Variants in CENPI observed in about 807,000 individuals in gnomAD.
The protein encoded by CENPI is centromere protein I, also known as FSH primary response 1.
A neutral mutation model predicts 60.4 loss-of-function variants in CENPI; 4 were observed. The ratio of observed to expected loss-of-function variants is 0.07; its 90% CI spans 0.03 to 0.15. The LOEUF (loss-of-function observed/expected upper bound fraction) is 0.15. Ranked by LOEUF, CENPI falls within the 10% of genes least tolerant of loss-of-function variation. The pLI is 1.00. For missense variants in CENPI, 444 were observed against 534.5 expected, an observed-to-expected ratio of 0.83 and a Z score of 1.67; for synonymous variants, 157 against 189.4, an observed-to-expected ratio of 0.83 and a Z score of 1.40.
At chrX:101,126,934 G>T in intron 9 of CENPI, 136 bp downstream of exon 9, 1 of 641,619 alleles carries the variant, frequency 1.6e-6, no homozygotes. Context: ...TTTTGGGAAA[G>T]TTTTTTTTTA....
rs35365475 is a variant in CENPI, at chrX:101,164,020, CAA to C, written c.*1069_*1070del. ...ACTGCACTCCAGCGAGACTCTGTCT[CAA>C]AAAAAAAAAAAAAAATTACCTCAAT... On this transcript the variant is annotated 3_prime_UTR_variant, in exon 22 of 22. Transcript: ENST00000682095. Among the ~76,000 whole-genome samples, 23,862 of 87,582 alleles carry C rather than the reference CAA, an allele frequency of 0.27. 2,284 individuals are homozygous for C. The highest frequency in any genetic ancestry group is 0.38 in the South Asian group (638 of 1,673). 76.1% of individuals were successfully genotyped at this position (87,582 alleles called of 115,157 possible).
At chrX:101,121,156 G>A (rs995272291) in intron 8 of CENPI, among the ~76,000 whole-genome samples, 1 of 111,048 alleles carries the variant, frequency 9.0e-6, no homozygotes, top group African/African-American at 3.3e-5. Flanking sequence ...GATTACAGGC[G>A]TAAGCCACCG....
intron 8 of CENPI, among the ~76,000 whole-genome samples, chrX:101,121,974 T>C (rs2089684410): frequency 9.2e-6 from 1 of 108,687 alleles, no homozygotes; most frequent in Admixed American, 9.9e-5. Flanking sequence ...GGCTAATTTT[T>C]TATATTTTTA....
At position 101,127,655 on chromosome X, in the gene CENPI, A is replaced by G. The variant is rs764961003; in HGVS notation, c.1064A>G (p.His355Arg). The part of the protein sequence containing the change: ...QSFPQLLQNI[H>R]CLELPSQMGS... The stretch of plus-strand genomic sequence containing the variant: ...TTCCCCCAACTTTTACAGAACATCC[A>G]TTGCTTAGAGGTATGTGACTGGACC... Residue 355 changes from histidine to arginine, a missense_variant, in exon 11 of 22, where the codon CAT (histidine) becomes CGT (arginine). Physicochemically the swap from His to Arg is conservative, Grantham distance 29 (BLOSUM62 0). Coordinates refer to ENST00000682095, the MANE Select transcript of CENPI (RefSeq NM_001386188.2). 6.0e-6 allele frequency: 7 copies of G among 1,175,204 alleles called. No homozygotes were observed. The highest frequency in any genetic ancestry group is 5.9e-5 in the South Asian group (3 of 50,864).
In CENPI at chrX:101,139,830, T is replaced by TTG. The variant is rs1556403500; in HGVS notation, c.1471-835_1471-834insGT. On this transcript the variant is annotated intron_variant, in intron 15 of 21. Transcript: ENST00000682095. ...ATGTCATTATTGTATGTTTTTTTTT[T>TTG]TTTGTTTTTTGTTTTTTTTTTTGAG... 6.9e-5 allele frequency among the ~76,000 whole-genome samples: 7 copies of TTG among 102,068 alleles called. 1 individual carries two copies. Among genetic ancestry groups the TTG allele is most frequent in the Non-Finnish European group, 1.4e-4 (7 of 49,726 alleles). 88.6% of individuals were successfully genotyped at this position (102,068 alleles called of 115,157 possible). A position where few individuals can be genotyped will look rare whatever the true frequency, so the allele number is the denominator to read the frequency against.
rs199833748 is a variant in CENPI at position 101,102,494 on chromosome X, T to TACACACACACACACACACAC, written c.364+84_364+85insCACACACACACACACACACA. ...CTTTTAAAAATAAATCTTATATATA[T>TACACACACACACACACACAC]ATACACACACACACACACACACATA... On this transcript the variant is annotated intron_variant, in intron 4 of 21. Coordinates refer to ENST00000682095, the MANE Select transcript of CENPI (RefSeq NM_001386188.2). 288 of 298,564 alleles carry TACACACACACACACACACAC rather than the reference T, an allele frequency of 9.6e-4. No individual in the cohort carries two copies. In the African/African-American group the frequency reaches 1.0e-2, roughly 10 times the overall value. 24.6% of individuals were successfully genotyped at this position (298,564 alleles called of 1,213,427 possible).
chrX:101,167,049 C>T (rs897669813), downstream of CENPI, among the ~76,000 whole-genome samples: 7 of 112,636 alleles, frequency 6.2e-5, no homozygotes, highest in Non-Finnish European at 9.4e-5. Flanking sequence ...CCACAGCACC[C>T]GGCCCATTTT....
At chrX:101,109,075 GTTTTTTTTTTTT>G (rs869245080) in intron 4 of CENPI, among the ~76,000 whole-genome samples, 2 of 47,316 alleles carry the variant, frequency 4.2e-5, no homozygotes, top group Non-Finnish European at 7.6e-5. Flanking sequence ...GAGGTGTGGT[GTTTTTTTTTTTT>G]TTTTTTTTTT....
intron 20 of CENPI, among the ~76,000 whole-genome samples, chrX:101,154,826 C>T (rs1436958322): frequency 9.0e-5 from 10 of 110,802 alleles, no homozygotes; most frequent in Non-Finnish European, 1.9e-4. Context: ...TTGATGTTAT[C>T]GTAAATGGAA....
chrX:101,127,111 T>C, intron 9 of CENPI, 27 bp from the exon 10 acceptor site: 2 of 1,126,687 alleles, frequency 1.8e-6, no homozygotes, highest in Non-Finnish European at 2.4e-6. Context: ...GTACCTACTC[T>C]CTTGTACTTT....
At chrX:101,140,071 T>C (rs953961071) in intron 15 of CENPI, among the ~76,000 whole-genome samples, 60 of 111,297 alleles carry the variant, frequency 5.4e-4, no homozygotes, top group South Asian at 2.6e-3. Flanking sequence ...CTGCTGACCT[T>C]CTGATCCGCC....
chrX:101,147,420 T>G (rs1272421917), intron 18 of CENPI, among the ~76,000 whole-genome samples: 2 of 110,064 alleles, frequency 1.8e-5, no homozygotes, highest in African/African-American at 6.6e-5. Context: ...GTGTGTGATG[T>G]TCTCCTCCCT....
intron 2 of CENPI, chrX:101,098,758 C>T (rs891954070): frequency 4.5e-5 from 5 of 111,522 alleles, no homozygotes; most frequent in African/African-American, 1.6e-4. Context: ...TCTGCGACAG[C>T]CTTTTATTTG....
At chrX:101,146,035 C>T (rs1223295837) in intron 17 of CENPI, 118 bp from the exon 18 acceptor site, 1 of 561,409 alleles carries the variant, frequency 1.8e-6, no homozygotes. Flanking sequence ...AGGAGTCAGG[C>T]ATGTCCAAAG....
At chrX:101,149,507 C>CT (rs1378131346) in intron 20 of CENPI, among the ~76,000 whole-genome samples, 13,598 of 92,984 alleles carry the variant, frequency 0.15, 1,097 homozygotes, top group Non-Finnish European at 0.21. Flanking sequence ...GGTGCTTCTT[C>CT]TTTTTTTTTT....
chrX:101,146,244 G>A lies in CENPI; in HGVS notation c.1793G>A (p.Ser598Asn). The stretch of plus-strand genomic sequence containing the variant: ...TCTGCACTCCTCAGCCTGGATACCA[G>A]CATCCTGAACCAGCTGTGTTTTATT... ...FYSALLSLDT[S>N]ILNQLCFIMH... The change falls in exon 18 of 22, where the codon AGC (serine) becomes AAC (asparagine). Residue 598 changes from serine (S) to asparagine (N), a missense_variant. Coordinates refer to ENST00000682095, the MANE Select transcript of CENPI (RefSeq NM_001386188.2). The A allele has an allele frequency of 8.3e-7, 1 of 1,209,403 alleles. No individual in the cohort carries two copies.
At chrX:101,102,516 C>CACACACACACACACATAT (rs778560144) in intron 4 of CENPI, 105 bp downstream of exon 4, 10 of 210,678 alleles carry the variant, frequency 4.7e-5, no homozygotes, top group Non-Finnish European at 5.7e-5. Context: ...CACACACACA[C>CACACACACACACACATAT]ATATATATAT....
In CENPI at chrX:101,103,568, C is replaced by T. The variant is rs780769061; in HGVS notation, c.364+1157C>T. On this transcript the variant is annotated intron_variant, in intron 4 of 21. Transcript: ENST00000682095. ...GTTGGTCGGGTTGGTCTCGAACTCC[C>T]GACCTCAGGTGATCCGCCCACCTCG... Among the ~76,000 whole-genome samples the T allele has an allele frequency of 3.2e-4, 35 of 109,876 alleles. No individual in the cohort carries two copies. The East Asian group carries it at 9.6e-3, about 30-fold the overall frequency.
At chrX:101,114,298 T>C (rs769633645) in intron 6 of CENPI, among the ~76,000 whole-genome samples, 1 of 112,194 alleles carries the variant, frequency 8.9e-6, no homozygotes, top group African/African-American at 3.2e-5. Flanking sequence ...CACAGCTTTA[T>C]TGAGATTTAA....
Sources: allele counts gnomAD v4.1 joint callset (sites outside exome capture counted in the v4.1 genomes callset), GRCh38; gene constraint gnomAD v4.1.1; transcripts MANE v1.5; gene names NCBI Gene and HGNC (gene_info 2026-07-23, HGNC 2026-07-21).